NOL4: variants seen among roughly 807,000 people sequenced by gnomAD.
The protein encoded by NOL4 is cancer/testis antigen 125.
A neutral mutation model predicts 75.9 loss-of-function variants in NOL4; 17 were observed. The observed-to-expected ratio is 0.22, with a 90% CI of 0.15 to 0.34. The LOEUF (loss-of-function observed/expected upper bound fraction) is 0.34. NOL4 is among the 10% of genes least tolerant of loss of function. The probability of loss-of-function intolerance (pLI) is 1.00; values close to 1 mark genes in which losing one functional copy is unlikely to be tolerated. For synonymous variants in NOL4, 292 were observed against 289.9 expected, an observed-to-expected ratio of 1.01 and a Z score of -0.07; for missense variants, 614 against 793.5, an observed-to-expected ratio of 0.77 and a Z score of 2.72.
rs557983303 is a variant in NOL4 at position 33,912,590 on chromosome 18, G to A, written c.1543-29166C>T. ...TTTTTCTACCATAATGGCAACATAA[G>A]CCTTTTGTTCCTTTGTTCTTCAATC... On this transcript the variant is annotated intron_variant, in intron 9 of 10. Transcript: ENST00000261592. 8.5e-5 allele frequency among the ~76,000 whole-genome samples: 13 copies of A among 152,104 alleles called. No homozygotes were observed. The South Asian group carries it at 1.7e-3, about 19-fold the overall frequency.
At chr18:34,115,146 G>A (rs1314377860) in intron 2 of NOL4, among the ~76,000 whole-genome samples, 3 of 152,158 alleles carry the variant, frequency 2.0e-5, no homozygotes, top group Admixed American at 2.0e-4. Context: ...GGAGTCTCCT[G>A]TGTAATTAGC....
At chr18:34,222,403 C>T (rs868581214) in intron 1 of NOL4, 174 of 1,140,942 alleles carry the variant, frequency 1.5e-4, no homozygotes, top group Middle Eastern at 1.5e-3. Context: ...GTCGCGGCAA[C>T]GATCTCTGGG....
intron 10 of NOL4, among the ~76,000 whole-genome samples, chr18:33,871,438 C>G (rs1420935569): frequency 1.3e-5 from 2 of 151,998 alleles, no homozygotes; most frequent in African/African-American, 4.8e-5. Flanking sequence ...GCAGGACATT[C>G]TGAGATCCCC....
chr18:33,995,099 T>A lies in NOL4; in HGVS notation c.1056+24219A>T, dbSNP rs76394587. Among the ~76,000 whole-genome samples, 1,229 of 151,734 alleles carry A rather than the reference T, an allele frequency of 8.1e-3. 19 individuals are homozygous for A. The highest frequency in any genetic ancestry group is 0.029 in the African/African-American group (1,189 of 41,518). ...TAAGCAATCATGGTAGACATATAAG[T>A]GTAGGCACTGAGTTAGTAGTCAAAA... is the stretch of plus-strand genomic sequence containing the variant. On this transcript the variant is annotated intron_variant, in intron 6 of 10. Coordinates refer to ENST00000261592, the MANE Select transcript of NOL4 (RefSeq NM_003787.5).
intron 6 of NOL4, among the ~76,000 whole-genome samples, chr18:34,008,090 A>C (rs985334699): frequency 6.6e-6 from 1 of 152,036 alleles, no homozygotes; most frequent in African/African-American, 2.4e-5. Flanking sequence ...GAGGGCCCAA[A>C]TAAAAGAAAG....
chr18:34,089,185 C>T (rs2078387866), intron 5 of NOL4, among the ~76,000 whole-genome samples: 1 of 151,916 alleles, frequency 6.6e-6, no homozygotes, highest in Non-Finnish European at 1.5e-5. Context: ...TTTATACCTA[C>T]CTGTTATAAT....
In NOL4 at chr18:33,883,237, T is replaced by C. The variant is rs906821865; in HGVS notation, c.1723+7A>G. 3 of 1,567,664 alleles carry C rather than the reference T, an allele frequency of 1.9e-6. No homozygotes were observed. Among genetic ancestry groups the C allele is most frequent in the Non-Finnish European group, 2.6e-6 (3 of 1,161,454 alleles). ...AAAAAAAAACACAATCTATGATAAATACTCACCACTGCTGGAAGCATCATT... is the reference window on the plus strand; with the variant it reads ...AAAAAAAAACACAATCTATGATAAACACTCACCACTGCTGGAAGCATCATT... On this transcript the variant is annotated splice_region_variant and intron_variant, in intron 10 of 10. Transcript: ENST00000261592.
chr18:34,050,230 A>G (rs2076571805), intron 5 of NOL4, among the ~76,000 whole-genome samples: 1 of 151,956 alleles, frequency 6.6e-6, no homozygotes. Flanking sequence ...AAGTTATAGC[A>G]CCTGTTTTCA....
intron 5 of NOL4, among the ~76,000 whole-genome samples, chr18:34,060,515 T>C (rs2077027798): frequency 6.6e-6 from 1 of 152,146 alleles, no homozygotes; most frequent in South Asian, 2.1e-4. Context: ...TAATGGGTGG[T>C]GTTTATTTTC....
chr18:33,928,198 T>C (rs995055447), intron 9 of NOL4, among the ~76,000 whole-genome samples: 1 of 152,202 alleles, frequency 6.6e-6, no homozygotes, highest in Non-Finnish European at 1.5e-5. Flanking sequence ...TTCATGGAGA[T>C]CCCAGTAAAC....
At chr18:33,991,640 T>G (rs2146113873) in intron 6 of NOL4, among the ~76,000 whole-genome samples, 1 of 152,140 alleles carries the variant, frequency 6.6e-6, no homozygotes, top group East Asian at 1.9e-4. Context: ...TACCATTAGC[T>G]AATTACTCTA....
intron 5 of NOL4, among the ~76,000 whole-genome samples, chr18:34,033,301 AG>A (rs1475958175): frequency 6.6e-6 from 1 of 152,170 alleles, no homozygotes; most frequent in African/African-American, 2.4e-5. Flanking sequence ...AACAATTTAA[AG>A]AAATCAGAAA....
intron 10 of NOL4, among the ~76,000 whole-genome samples, chr18:33,865,690 C>A (rs905680120): frequency 6.6e-6 from 1 of 152,104 alleles, no homozygotes; most frequent in African/African-American, 2.4e-5. Flanking sequence ...AGATAACTTA[C>A]CCTTTGATTA....
chr18:33,852,834 C>T lies in NOL4; in HGVS notation c.*8G>A, dbSNP rs763599350. On this transcript the variant is annotated 3_prime_UTR_variant, in exon 11 of 11. Coordinates refer to ENST00000261592, the MANE Select transcript of NOL4 (RefSeq NM_003787.5). The stretch of plus-strand genomic sequence containing the variant: ...TTTAGACCTCAGTGAATATGGTGGT[C>T]GTCTGTCTCAGTTCTGTTGTAAAAT... 74 of 1,606,126 alleles carry T rather than the reference C, an allele frequency of 4.6e-5. No individual in the cohort carries two copies. The highest frequency in any genetic ancestry group is 5.8e-5 in the Non-Finnish European group (68 of 1,175,812).
At chr18:33,996,415 C>A (rs561817648) in intron 6 of NOL4, among the ~76,000 whole-genome samples, 2 of 151,200 alleles carry the variant, frequency 1.3e-5, no homozygotes, top group South Asian at 4.2e-4. Context: ...TAATTTAAGT[C>A]CAAGATTTTT....
intron 10 of NOL4, among the ~76,000 whole-genome samples, chr18:33,882,293 T>C (rs1483576698): frequency 6.6e-5 from 10 of 152,014 alleles, no homozygotes; most frequent in African/African-American, 1.9e-4. Flanking sequence ...AGAAAATTTT[T>C]GCAACCTACT....
intron 2 of NOL4, among the ~76,000 whole-genome samples, chr18:34,123,233 T>A (rs941027154): frequency 3.3e-5 from 5 of 151,908 alleles, no homozygotes; most frequent in African/African-American, 7.2e-5. Flanking sequence ...GATATATAAT[T>A]CAATTTTAAT....
At chr18:33,997,528 G>A (rs1033714987) in intron 6 of NOL4, among the ~76,000 whole-genome samples, 2 of 150,630 alleles carry the variant, frequency 1.3e-5, no homozygotes, top group Non-Finnish European at 3.0e-5. Context: ...TGTTCTTTTT[G>A]CATAGGATTG....
chr18:33,981,753 G>A (rs2071979891), intron 6 of NOL4, among the ~76,000 whole-genome samples: 1 of 152,102 alleles, frequency 6.6e-6, no homozygotes, highest in African/African-American at 2.4e-5. Flanking sequence ...AAGAGCATTA[G>A]AGGAAGCATA....
Sources: allele counts gnomAD v4.1 joint callset (sites outside exome capture counted in the v4.1 genomes callset), GRCh38; gene constraint gnomAD v4.1.1; transcripts MANE v1.5; gene names NCBI Gene and HGNC (gene_info 2026-07-23, HGNC 2026-07-21).